MICAL2: variants seen among roughly 807,000 people sequenced by gnomAD.
MICAL2 encodes [F-actin]-monooxygenase MICAL2.
MICAL2 carries 77 observed loss-of-function variants against 127.3 expected under a neutral mutation model. That is an observed-to-expected ratio of 0.60 (90% CI 0.50 to 0.73). The LOEUF (loss-of-function observed/expected upper bound fraction) is 0.73, where lower values mean the gene tolerates loss of function less well. Ranked by LOEUF, MICAL2 falls within the 30% of genes least tolerant of loss-of-function variation. MICAL2 has a pLI of 0.00. For missense variants in MICAL2, 1,351 were observed against 1,434.4 expected (o/e 0.94, Z 0.94); for synonymous variants, 570 against 551.1 (o/e 1.03, Z -0.48).
At chr11:12,271,042 C>A (rs924940473) in intron 24 of MICAL2, among the ~76,000 whole-genome samples, 1 of 152,230 alleles carries the variant, frequency 6.6e-6, no homozygotes, top group Non-Finnish European at 1.5e-5. Flanking sequence ...TTTCCCCAGA[C>A]CCTGCCTGGC....
intron 30 of MICAL2, among the ~76,000 whole-genome samples, chr11:12,321,929 T>A (rs1195895289): frequency 6.6e-6 from 1 of 152,068 alleles, no homozygotes; most frequent in African/African-American, 2.4e-5. Context: ...GAGTAGGTCC[T>A]TGTTGTGTCT....
chr11:12,134,586 G>A (rs571595620), intron 1 of MICAL2, among the ~76,000 whole-genome samples: 2 of 152,334 alleles, frequency 1.3e-5, no homozygotes, highest in East Asian at 3.9e-4. Context: ...TGGGTGTGCA[G>A]CTGGCTTTTC....
At chr11:12,261,965 G>C in intron 26 of MICAL2, 1 of 991,946 alleles carries the variant, frequency 1.0e-6, no homozygotes, top group Non-Finnish European at 1.2e-6. Context: ...GCTCAGGATA[G>C]GCTGAGATGC....
chr11:12,208,802 TG>T (rs1855059244), intron 5 of MICAL2, among the ~76,000 whole-genome samples: 1 of 152,236 alleles, frequency 6.6e-6, no homozygotes, highest in Non-Finnish European at 1.5e-5. Flanking sequence ...GCTTTGAGTT[TG>T]GGACCAGCTT....
At chr11:12,150,806 C>G (rs1853492721) in intron 2 of MICAL2, among the ~76,000 whole-genome samples, 1 of 152,122 alleles carries the variant, frequency 6.6e-6, no homozygotes, top group Admixed American at 6.6e-5. Context: ...AGTCGTCTTA[C>G]CATAGCAGAG....
chr11:12,163,482 A>G (rs1024822018), intron 3 of MICAL2, among the ~76,000 whole-genome samples: 11 of 152,182 alleles, frequency 7.2e-5, no homozygotes, highest in South Asian at 2.1e-4. Flanking sequence ...TGTCGAGTCC[A>G]CCATGGGATA....
chr11:12,246,463 A>AG (rs909694124), intron 21 of MICAL2, among the ~76,000 whole-genome samples: 2 of 152,222 alleles, frequency 1.3e-5, no homozygotes, highest in Non-Finnish European at 2.9e-5. Flanking sequence ...ACAGCTGGGC[A>AG]GGGGGGCCCT....
intron 30 of MICAL2, chr11:12,319,851 G>C: frequency 6.7e-7 from 1 of 1,483,102 alleles, no homozygotes; most frequent in Non-Finnish European, 9.4e-7. Flanking sequence ...CTTGGCTGGT[G>C]GGGGCTGCTT....
At chr11:12,312,859 G>C (rs1864189336) in intron 29 of MICAL2, among the ~76,000 whole-genome samples, 1 of 152,068 alleles carries the variant, frequency 6.6e-6, no homozygotes, top group African/African-American at 2.4e-5. Flanking sequence ...ATCGTCTCTG[G>C]AATAGGAGTC....
chr11:12,218,060 A>G (rs2134241135), intron 8 of MICAL2, among the ~76,000 whole-genome samples: 1 of 152,312 alleles, frequency 6.6e-6, no homozygotes, highest in East Asian at 1.9e-4. Context: ...GAAGGTGCCA[A>G]GTAAATGTTT....
At chr11:12,325,509 C>T (rs1000484380) in intron 31 of MICAL2, among the ~76,000 whole-genome samples, 1 of 152,166 alleles carries the variant, frequency 6.6e-6, no homozygotes, top group Non-Finnish European at 1.5e-5. Flanking sequence ...AACTTATTTT[C>T]CTCATGTTCT....
rs555146103 is a variant in MICAL2 at position 12,234,876 on chromosome 11, C to T, written c.1996-1301C>T. ...CTGTGATCGGGTAGGTTAGGATTTA[C>T]GGGGCTGATTGGGCTGTATGCCTGG... On this transcript the variant is annotated intron_variant, in intron 15 of 27. Transcript: ENST00000683283. 3.0e-3 allele frequency among the ~76,000 whole-genome samples: 458 copies of T among 152,244 alleles called. 1 individual carries two copies. Among genetic ancestry groups the T allele is most frequent in the Non-Finnish European group, 3.6e-3 (248 of 68,010 alleles).
At chr11:12,120,048 C>T (rs1468752071) in intron 1 of MICAL2, among the ~76,000 whole-genome samples, 1 of 152,194 alleles carries the variant, frequency 6.6e-6, no homozygotes, top group Non-Finnish European at 1.5e-5. Context: ...GCCTCATCCT[C>T]CCTTTCTAAA....
At chr11:12,190,999 A>ATGATT (rs1167011156) in intron 3 of MICAL2, among the ~76,000 whole-genome samples, 1 of 152,202 alleles carries the variant, frequency 6.6e-6, no homozygotes, top group Admixed American at 6.5e-5. Context: ...GGGTAAAGGT[A>ATGATT]TGATTTGATT....
intron 3 of MICAL2, among the ~76,000 whole-genome samples, chr11:12,166,088 C>T (rs1330583648): frequency 6.6e-6 from 1 of 152,118 alleles, no homozygotes; most frequent in Non-Finnish European, 1.5e-5. Flanking sequence ...AGGAAAACGA[C>T]CCAGAAGAAC....
chr11:12,256,598 T>C (rs1308962138), intron 23 of MICAL2, 187 bp from the exon 24 acceptor site: 2 of 547,300 alleles, frequency 3.7e-6, no homozygotes, highest in Non-Finnish European at 6.3e-6. Flanking sequence ...CAGAAGCCCC[T>C]GCAGGGTTGG....
At chr11:12,231,068 A>G (rs1302780771) in intron 15 of MICAL2, among the ~76,000 whole-genome samples, 2 of 152,166 alleles carry the variant, frequency 1.3e-5, no homozygotes, top group Non-Finnish European at 1.5e-5. Context: ...TGGACATATA[A>G]CCAGGGCGTC....
At position 12,148,594 on chromosome 11, in the gene MICAL2, C is replaced by A. The variant is rs938461222; in HGVS notation, c.-78+10134C>A. 5.3e-5 allele frequency among the ~76,000 whole-genome samples: 8 copies of A among 152,170 alleles called. No individual in the cohort carries two copies. In the South Asian group the frequency reaches 1.4e-3, roughly 28 times the overall value. ...GGGCAGCCACACTCTAGCCACTACA[C>A]ACCCTGAATTGTGTGCGATACTCTT... On this transcript the variant is annotated intron_variant, in intron 2 of 27. Transcript: ENST00000683283.
intron 13 of MICAL2, chr11:12,225,450 G>C (rs1462845203): frequency 6.6e-6 from 1 of 152,188 alleles, no homozygotes; most frequent in East Asian, 1.9e-4. Flanking sequence ...CTAGCAATTG[G>C]TACTTTAGGA....
Sources: gnomAD v4.1 joint callset for allele counts (sites outside exome capture counted in the v4.1 genomes callset) on GRCh38, gnomAD v4.1.1 for gene constraint, MANE v1.5 for transcripts, NCBI Gene and HGNC (gene_info 2026-07-23, HGNC 2026-07-21) for gene names.